ZPLD1: variants seen among roughly 807,000 people sequenced by gnomAD.
The protein encoded by ZPLD1 is zona pellucida like domain containing 1.
A neutral mutation model predicts 47.2 loss-of-function variants in ZPLD1; 34 were observed. That is an observed-to-expected ratio of 0.72 (90% CI 0.55 to 0.96). The LOEUF is 0.96. ZPLD1 is among the 40% of genes least tolerant of loss of function. The pLI is 0.00. For missense variants in ZPLD1, 512 were observed against 505.8 expected, an observed-to-expected ratio of 1.01 and a Z score of -0.12; for synonymous variants, 176 against 186.2, an observed-to-expected ratio of 0.95 and a Z score of 0.45.
chr3:102,461,975 A>C (rs1576162362), intron 6 of ZPLD1, among the ~76,000 whole-genome samples: 1 of 152,116 alleles, frequency 6.6e-6, no homozygotes, highest in African/African-American at 2.4e-5. Flanking sequence ...TGACCATTGA[A>C]TATTAACCAA....
At chr3:102,465,218 T>C (rs565697483) in intron 8 of ZPLD1, among the ~76,000 whole-genome samples, 7 of 152,328 alleles carry the variant, frequency 4.6e-5, no homozygotes, top group Non-Finnish European at 8.8e-5. Context: ...ATCAGTGATA[T>C]TTAAAATAGT....
chr3:102,453,224 T>C (rs1707366416), intron 4 of ZPLD1, 85 bp downstream of exon 4: 2 of 1,234,748 alleles, frequency 1.6e-6, no homozygotes, highest in Admixed American at 4.6e-5. Flanking sequence ...ATGCCCAATC[T>C]ATCTCTTGAG....
intron 7 of ZPLD1, among the ~76,000 whole-genome samples, chr3:102,402,346 T>C (rs1427330781): frequency 6.6e-6 from 1 of 152,058 alleles, no homozygotes; most frequent in East Asian, 1.9e-4. Flanking sequence ...AATTTCAAGA[T>C]ATCTGTGCTT....
Position 102,443,460 on chromosome 3 carries a change from A to G in ZPLD1, c.106+4867A>G, listed in dbSNP as rs191268291. Among the ~76,000 whole-genome samples, 169 of 152,298 alleles carry G rather than the reference A, an allele frequency of 1.1e-3. 1 individual carries two copies. The highest frequency in any genetic ancestry group is 2.8e-3 in the African/African-American group (118 of 41,560). ...TTAATAGAGATTCTTTCCATCAAACAATGATGTCTAAAAATGAAATTTGAA... is the reference window on the plus strand; with the variant it reads ...TTAATAGAGATTCTTTCCATCAAACGATGATGTCTAAAAATGAAATTTGAA... On this transcript the variant is annotated intron_variant, in intron 3 of 11. Coordinates refer to ENST00000466937, the MANE Select transcript of ZPLD1 (RefSeq NM_001329788.2).
intron 6 of ZPLD1, among the ~76,000 whole-genome samples, chr3:102,387,466 G>T (rs1029245212): frequency 6.6e-6 from 1 of 151,916 alleles, no homozygotes; most frequent in African/African-American, 2.4e-5. Context: ...TTTATATTAG[G>T]TATTTTTTCT....
At chr3:102,424,287 G>GA (rs1706915219) in intron 8 of ZPLD1, among the ~76,000 whole-genome samples, 1 of 151,858 alleles carries the variant, frequency 6.6e-6, no homozygotes, top group Non-Finnish European at 1.5e-5. Flanking sequence ...TTCCCTTTGT[G>GA]AAAAAATTTC....
intron 4 of ZPLD1, 62 bp downstream of exon 4, chr3:102,453,201 A>G: frequency 4.9e-6 from 7 of 1,431,566 alleles, no homozygotes; most frequent in Admixed American, 1.9e-5. Flanking sequence ...TCCCCATTTC[A>G]TGAAAGAATA....
At chr3:102,431,737 C>T (rs1253919496), upstream of ZPLD1, among the ~76,000 whole-genome samples, 4 of 152,056 alleles carry the variant, frequency 2.6e-5, no homozygotes, top group African/African-American at 2.4e-5. Flanking sequence ...GGTGAAACCC[C>T]GTCTCTATTC....
intron 8 of ZPLD1, among the ~76,000 whole-genome samples, chr3:102,465,137 A>G (rs934653980): frequency 6.6e-6 from 1 of 152,226 alleles, no homozygotes; most frequent in Admixed American, 6.5e-5. Flanking sequence ...ATACTTAAAA[A>G]TTTCATATTC....
At chr3:102,450,202 C>T (rs966353547) in intron 3 of ZPLD1, among the ~76,000 whole-genome samples, 1 of 152,126 alleles carries the variant, frequency 6.6e-6, no homozygotes, top group Non-Finnish European at 1.5e-5. Context: ...AGCACTGATA[C>T]ATGTACTTTG....
chr3:102,408,391 C>A (rs1253621263), intron 7 of ZPLD1, among the ~76,000 whole-genome samples: 1 of 151,818 alleles, frequency 6.6e-6, no homozygotes, highest in Non-Finnish European at 1.5e-5. Context: ...ACACGCCCAT[C>A]CTCAGATTCA....
In ZPLD1 at chr3:102,468,967, T is replaced by C. The variant is rs755626239; in HGVS notation, c.765T>C (p.Cys255=). The C allele has an allele frequency of 3.1e-6, 5 of 1,609,194 alleles. No homozygotes were observed. The South Asian group carries it at 3.3e-5, about 11-fold the overall frequency. Residue 255 remains cysteine (C), a synonymous_variant, in exon 9 of 12, where the codon TGT becomes TGC. Coordinates refer to ENST00000466937, the MANE Select transcript of ZPLD1 (RefSeq NM_001329788.2). ...DDIRYDLFLS[C]DKDPQTTVIE... ...TTTCACGTTCCCTAAAATTTAGCTG[T>C]GACAAGGACCCTCAGACCACCGTCA...
chr3:102,390,375 C>T (rs1262655545), intron 6 of ZPLD1, among the ~76,000 whole-genome samples: 1 of 152,164 alleles, frequency 6.6e-6, no homozygotes, highest in African/African-American at 2.4e-5. Context: ...ATGAAAACAG[C>T]ATGTAACCAC....
At chr3:102,402,475 CAGAGT>C (rs1346487655) in intron 7 of ZPLD1, among the ~76,000 whole-genome samples, 2 of 151,942 alleles carry the variant, frequency 1.3e-5, no homozygotes, top group Non-Finnish European at 1.5e-5. Flanking sequence ...TGTAATAGTA[CAGAGT>C]ATTTTTAATC....
intron 7 of ZPLD1, among the ~76,000 whole-genome samples, chr3:102,414,142 A>G (rs1478385779): frequency 3.3e-5 from 5 of 151,740 alleles, no homozygotes; most frequent in African/African-American, 9.7e-5. Context: ...TGGTCCTTGA[A>G]GTTTGTTTCC....
intron 7 of ZPLD1, among the ~76,000 whole-genome samples, chr3:102,403,661 A>T (rs1706649772): frequency 6.6e-6 from 1 of 152,002 alleles, no homozygotes; most frequent in Non-Finnish European, 1.5e-5. Context: ...TTCTTCACAA[A>T]TCAGGAAATT....
upstream of ZPLD1, among the ~76,000 whole-genome samples, chr3:102,432,278 G>A (rs1022497563): frequency 1.3e-5 from 2 of 152,216 alleles, no homozygotes; most frequent in Admixed American, 6.5e-5. Context: ...ATGGCAGCCT[G>A]TGGAGAGTAG....
chr3:102,454,939 A>G (rs1707390100), intron 4 of ZPLD1, among the ~76,000 whole-genome samples: 1 of 152,206 alleles, frequency 6.6e-6, no homozygotes, highest in African/African-American at 2.4e-5. Flanking sequence ...CTATCAAATA[A>G]AGCAAGTAGT....
intron 8 of ZPLD1, among the ~76,000 whole-genome samples, chr3:102,429,755 A>T (rs1706994054): frequency 6.6e-6 from 1 of 152,220 alleles, no homozygotes; most frequent in Non-Finnish European, 1.5e-5. Context: ...CACCACCACC[A>T]CAACAGATAG....
Sources: allele counts gnomAD v4.1 joint callset (sites outside exome capture counted in the v4.1 genomes callset), GRCh38; gene constraint gnomAD v4.1.1; transcripts MANE v1.5; gene names NCBI Gene and HGNC (gene_info 2026-07-23, HGNC 2026-07-21).